UBE2D2: variants seen among roughly 807,000 people sequenced by gnomAD.
The protein encoded by UBE2D2 is ubiquitin-conjugating enzyme E2 D2.
Under a neutral mutation model 24.2 loss-of-function variants are expected in UBE2D2, and 2 were observed. The observed-to-expected ratio is 0.08, with a 90% CI of 0.03 to 0.26. UBE2D2 has a LOEUF of 0.26. Among genes scored for constraint, UBE2D2 ranks in the 10% least tolerant of loss-of-function variants. UBE2D2 has a pLI of 1.00. For synonymous variants in UBE2D2, 58 were observed against 56.5 expected (o/e 1.03, Z -0.12); for missense variants, 44 against 177.6 (o/e 0.25, Z 4.28).
chr5:139,546,692 G>C (rs1201004226), intron 1 of UBE2D2, among the ~76,000 whole-genome samples: 1 of 150,420 alleles, frequency 6.6e-6, no homozygotes, highest in African/African-American at 2.4e-5. Flanking sequence ...CACCATGTTT[G>C]CCAGACTGGT....
intron 1 of UBE2D2, among the ~76,000 whole-genome samples, chr5:139,594,676 A>G (rs1581517118): frequency 6.6e-6 from 1 of 152,250 alleles, no homozygotes; most frequent in East Asian, 1.9e-4. Flanking sequence ...GACCTCCCAA[A>G]GTGCTGGGAT....
At chr5:139,610,267 G>T (rs545219559) in intron 2 of UBE2D2, among the ~76,000 whole-genome samples, 60 of 151,626 alleles carry the variant, frequency 4.0e-4, no homozygotes, top group African/African-American at 1.4e-3. Flanking sequence ...TTACGGCCGG[G>T]CACAGTGGCT....
chr5:139,622,685 C>T (rs1462152755), intron 5 of UBE2D2, among the ~76,000 whole-genome samples: 2 of 149,116 alleles, frequency 1.3e-5, no homozygotes, highest in African/African-American at 2.5e-5. Context: ...GTCAGGAGAT[C>T]GAGACCATCC....
intron 1 of UBE2D2, among the ~76,000 whole-genome samples, chr5:139,569,180 A>C (rs900292769): frequency 1.3e-5 from 2 of 152,216 alleles, no homozygotes; most frequent in African/African-American, 4.8e-5. Context: ...TTACTCCAAA[A>C]GGTGAGCTTC....
At chr5:139,593,017 G>T (rs1448319737) in intron 1 of UBE2D2, among the ~76,000 whole-genome samples, 1 of 137,184 alleles carries the variant, frequency 7.3e-6, no homozygotes. Flanking sequence ...TTTTTTTGAG[G>T]CAGAGTCTCG....
At chr5:139,599,982 T>C (rs572838173) in intron 1 of UBE2D2, among the ~76,000 whole-genome samples, 3 of 151,908 alleles carry the variant, frequency 2.0e-5, no homozygotes, top group African/African-American at 7.2e-5. Flanking sequence ...TTTTTCTATC[T>C]TCAGTAGAGA....
chr5:139,539,861 T>C (rs1270723020), intron 1 of UBE2D2, among the ~76,000 whole-genome samples: 1 of 151,922 alleles, frequency 6.6e-6, no homozygotes, highest in Non-Finnish European at 1.5e-5. Context: ...CTTCCCAAAG[T>C]GCTGGGATTA....
chr5:139,613,373 G>A (rs1470559033), intron 2 of UBE2D2, among the ~76,000 whole-genome samples: 1 of 152,172 alleles, frequency 6.6e-6, no homozygotes, highest in Non-Finnish European at 1.5e-5. Flanking sequence ...TCAGATCATA[G>A]TATGAATGGT....
In UBE2D2 at chr5:139,612,503, C is replaced by A. The variant is rs547746961; in HGVS notation, c.89-2083C>A. The A allele has an allele frequency of 2.6e-5, 4 of 152,318 alleles. No homozygotes were observed. In the South Asian group the frequency reaches 8.3e-4, roughly 32 times the overall value. 9.4% of individuals were successfully genotyped at this position (152,318 alleles called of 1,614,324 possible). On this transcript the variant is annotated intron_variant, in intron 2 of 6. Transcript: ENST00000398733. The stretch of plus-strand genomic sequence containing the variant: ...TGCCTGAGAACACTTAAAAGCAGTG[C>A]TTTCTTACTATCTTACCCAACTCTT...
At chr5:139,594,330 C>T (rs1390826280) in intron 1 of UBE2D2, among the ~76,000 whole-genome samples, 3 of 152,004 alleles carry the variant, frequency 2.0e-5, no homozygotes, top group African/African-American at 7.2e-5. Context: ...TTTCTTTTTG[C>T]TATAGTGTTG....
chr5:139,537,913 G>T (rs1394909997), intron 1 of UBE2D2, among the ~76,000 whole-genome samples: 1 of 151,020 alleles, frequency 6.6e-6, no homozygotes, highest in African/African-American at 2.4e-5. Context: ...GCAGTGAGCT[G>T]AGATCGTGCC....
chr5:139,624,561 G>A (rs1226797159), intron 6 of UBE2D2, among the ~76,000 whole-genome samples: 1 of 152,262 alleles, frequency 6.6e-6, no homozygotes, highest in African/African-American at 2.4e-5. Flanking sequence ...GCTGAGGTGG[G>A]CAGATCACAA....
intron 1 of UBE2D2, among the ~76,000 whole-genome samples, chr5:139,590,482 C>A (rs1183990176): frequency 6.6e-6 from 1 of 150,866 alleles, no homozygotes; most frequent in Non-Finnish European, 1.5e-5. Flanking sequence ...CAAACTAGAT[C>A]TACCTTTGTA....
intron 1 of UBE2D2, among the ~76,000 whole-genome samples, chr5:139,548,177 A>AAAAAT (rs1752860185): frequency 2.5e-5 from 1 of 39,270 alleles, no homozygotes; most frequent in Admixed American, 2.3e-4. Flanking sequence ...AAAAAAAAAA[A>AAAAAT]AAAAAATAAA....
At chr5:139,623,533 A>C in intron 6 of UBE2D2, 72 bp downstream of exon 6, 1 of 1,313,398 alleles carries the variant, frequency 7.6e-7, no homozygotes, top group Non-Finnish European at 1.1e-6. Flanking sequence ...TTTCTTGTTT[A>C]AGGGCTGAAT....
chr5:139,545,014 C>T (rs1752807135), intron 1 of UBE2D2, among the ~76,000 whole-genome samples: 1 of 151,726 alleles, frequency 6.6e-6, no homozygotes, highest in African/African-American at 2.4e-5. Flanking sequence ...CTTTTGACCT[C>T]GTGATCCACC....
At chr5:139,608,539 G>A (rs1021257832) in intron 2 of UBE2D2, among the ~76,000 whole-genome samples, 4 of 152,066 alleles carry the variant, frequency 2.6e-5, no homozygotes, top group African/African-American at 9.7e-5. Context: ...CAGATCGCTT[G>A]AGCCCAGGAG....
At chr5:139,562,343 C>A in intron 1 of UBE2D2, 1 of 1,342,198 alleles carries the variant, frequency 7.5e-7, no homozygotes, top group Admixed American at 2.0e-5. Flanking sequence ...GGTGGCAGCA[C>A]ACATCGGTCC....
chr5:139,559,283 C>CG (rs774138989), upstream of UBE2D2, among the ~76,000 whole-genome samples: 35 of 152,052 alleles, frequency 2.3e-4, no homozygotes, highest in South Asian at 6.2e-4. Context: ...AAAAATTACC[C>CG]GGGCGTGCTT....
Sources: allele counts gnomAD v4.1 joint callset (sites outside exome capture counted in the v4.1 genomes callset), GRCh38; gene constraint gnomAD v4.1.1; transcripts MANE v1.5; gene names NCBI Gene and HGNC (gene_info 2026-07-23, HGNC 2026-07-21).